Variants in DMD observed in about 807,000 individuals in gnomAD.
DMD encodes dystrophin.
DMD carries 63 observed loss-of-function variants against 330.1 expected under a neutral mutation model. The observed-to-expected ratio is 0.19, with a 90% CI of 0.16 to 0.24. DMD has a LOEUF of 0.24. Among genes scored for constraint, DMD ranks in the 10% least tolerant of loss-of-function variants. DMD has a pLI of 1.00. For synonymous variants in DMD, 1,223 were observed against 959.8 expected, an observed-to-expected ratio of 1.27 and a Z score of -5.07; for missense variants, 3,344 against 2,684.1, an observed-to-expected ratio of 1.25 and a Z score of -5.43.
At chrX:31,456,234 T>C (rs1401872260) in intron 59 of DMD, among the ~76,000 whole-genome samples, 2 of 112,571 alleles carry the variant, frequency 1.8e-5, no homozygotes, top group African/African-American at 3.2e-5. Flanking sequence ...ATGCATACTT[T>C]AGGGCTGTTA....
chrX:33,069,325 G>C (rs2094710596), intron 1 of DMD, among the ~76,000 whole-genome samples: 1 of 111,166 alleles, frequency 9.0e-6, no homozygotes, highest in African/African-American at 3.3e-5. Flanking sequence ...TACTTTGCAA[G>C]TTAGGCCTAA....
intron 45 of DMD, among the ~76,000 whole-genome samples, chrX:31,939,663 CA>C (rs374986776): frequency 1.8e-5 from 2 of 108,676 alleles, no homozygotes; most frequent in Non-Finnish European, 3.8e-5. Context: ...TAACAGCACT[CA>C]AAAAAAATGG....
At chrX:32,615,372 A>G (rs2057482967) in intron 11 of DMD, among the ~76,000 whole-genome samples, 1 of 111,223 alleles carries the variant, frequency 9.0e-6, no homozygotes, top group Non-Finnish European at 1.9e-5. Flanking sequence ...AACGTTCTCA[A>G]TTACATTTCC....
chrX:31,943,878 TGAGAGAGAGAGAGAGAGAGAGAGAGA>T (rs536982335), intron 45 of DMD, among the ~76,000 whole-genome samples: 14 of 74,456 alleles, frequency 1.9e-4, no homozygotes, highest in East Asian at 4.5e-4. Context: ...CCCCAGAGAG[TGAGAGAGAGAGAGAGAGAGAGAGAGA>T]GAGAGAGAGA....
chrX:33,252,113 A>G (rs1370366910), intron 1 of DMD, among the ~76,000 whole-genome samples: 3 of 112,349 alleles, frequency 2.7e-5, no homozygotes, highest in African/African-American at 9.7e-5. Flanking sequence ...TATCTTGAAG[A>G]TGAAGCTAGA....
At chrX:32,886,902 C>T (rs2084644255) in intron 2 of DMD, among the ~76,000 whole-genome samples, 1 of 111,842 alleles carries the variant, frequency 8.9e-6, no homozygotes, top group African/African-American at 3.2e-5. Context: ...ATAAATATAG[C>T]ACGATCACAT....
chrX:31,883,069 A>G (rs185476537), intron 47 of DMD, among the ~76,000 whole-genome samples: 63 of 111,940 alleles, frequency 5.6e-4, no homozygotes, highest in Non-Finnish European at 9.8e-4. Flanking sequence ...ACACAGCCCA[A>G]TGTCCATTGA....
intron 51 of DMD, among the ~76,000 whole-genome samples, chrX:31,733,608 G>A: frequency 9.0e-6 from 1 of 111,584 alleles, no homozygotes; most frequent in Middle Eastern, 4.6e-3. Flanking sequence ...AGGTAAAAGA[G>A]TTTACGGAAC....
intron 2 of DMD, among the ~76,000 whole-genome samples, chrX:32,968,811 C>T (rs1269281518): frequency 2.8e-5 from 3 of 108,059 alleles, no homozygotes; most frequent in Non-Finnish European, 5.7e-5. Context: ...GGGTGGATCA[C>T]GAGGTCAGGA....
chrX:32,381,837 C>A (rs1447479701), intron 33 of DMD, among the ~76,000 whole-genome samples: 1 of 110,405 alleles, frequency 9.1e-6, no homozygotes, highest in Non-Finnish European at 1.9e-5. Flanking sequence ...GGAATCTGAA[C>A]AATAGATATA....
chrX:32,359,448 A>T lies in DMD; in HGVS notation c.5325+3340T>A, dbSNP rs372032142. ...AATCTACTTTTTTTATCACCATAGT[A>T]TTTTTTTTCCCCAGGTTACTCTTCC... On this transcript the variant is annotated intron_variant, in intron 37 of 78. Transcript: ENST00000357033. Among the ~76,000 whole-genome samples, 144 of 111,084 alleles carry T rather than the reference A, an allele frequency of 1.3e-3. 1 individual carries two copies. Among genetic ancestry groups the T allele is most frequent in the South Asian group, 8.4e-3 (22 of 2,622 alleles).
At chrX:32,424,644 C>T (rs755727666) in intron 29 of DMD, among the ~76,000 whole-genome samples, 117 of 111,183 alleles carry the variant, frequency 1.1e-3, no homozygotes, top group African/African-American at 3.5e-3. Flanking sequence ...TCTTACAATG[C>T]TTAATTTTTG....
intron 51 of DMD, among the ~76,000 whole-genome samples, chrX:31,757,213 T>A (rs2089185538): frequency 8.9e-6 from 1 of 111,798 alleles, no homozygotes; most frequent in South Asian, 3.7e-4. Context: ...ACATACTGGT[T>A]TGAAGGTGCT....
At chrX:31,624,949 C>G (rs1208928302) in intron 55 of DMD, among the ~76,000 whole-genome samples, 2 of 112,177 alleles carry the variant, frequency 1.8e-5, no homozygotes, top group Non-Finnish European at 3.8e-5. Flanking sequence ...TTTTCAAGCT[C>G]GGCATTTCCA....
chrX:33,091,886 A>T, intron 1 of DMD, among the ~76,000 whole-genome samples: 1 of 112,035 alleles, frequency 8.9e-6, no homozygotes, highest in Non-Finnish European at 1.9e-5. Flanking sequence ...ATTTTAGATA[A>T]ATATTCCACA....
At chrX:31,810,816 T>TA (rs1319306612) in intron 50 of DMD, among the ~76,000 whole-genome samples, 151 of 112,001 alleles carry the variant, frequency 1.3e-3, no homozygotes, top group African/African-American at 4.8e-3. Context: ...GTACTTACTC[T>TA]CATAAATATG....
At chrX:32,466,812 G>A (rs182891131) in intron 23 of DMD, among the ~76,000 whole-genome samples, 241 of 111,619 alleles carry the variant, frequency 2.2e-3, no homozygotes, top group Non-Finnish European at 3.5e-3. Flanking sequence ...AGACTCTGTC[G>A]CAAAGCCTCC....
At chrX:32,669,064 A>G (rs1485401781) in intron 9 of DMD, among the ~76,000 whole-genome samples, 1 of 110,934 alleles carries the variant, frequency 9.0e-6, no homozygotes, top group Non-Finnish European at 1.9e-5. Flanking sequence ...CAAAATTAGG[A>G]GTTTATCAGA....
chrX:32,178,485 A>G (rs2096913998), intron 44 of DMD, among the ~76,000 whole-genome samples: 1 of 109,939 alleles, frequency 9.1e-6, no homozygotes, highest in African/African-American at 3.3e-5. Flanking sequence ...GAACAGCTAT[A>G]ATCTATTCAT....
Sources: gnomAD v4.1 joint callset for allele counts (sites outside exome capture counted in the v4.1 genomes callset) on GRCh38, gnomAD v4.1.1 for gene constraint, MANE v1.5 for transcripts, NCBI Gene and HGNC (gene_info 2026-07-23, HGNC 2026-07-21) for gene names.